Variants in LPAR5 observed in about 807,000 individuals in gnomAD.
LPAR5 encodes G protein-coupled receptor 92.
For missense variants in LPAR5, 544 were observed against 521.8 expected (o/e 1.04, Z -0.41); for synonymous variants, 271 against 261.6 (o/e 1.04, Z -0.35).
intron 1 of LPAR5, among the ~76,000 whole-genome samples, chr12:6,628,644 T>G (rs1948961489): frequency 6.6e-6 from 1 of 150,734 alleles, no homozygotes; most frequent in Non-Finnish European, 1.5e-5. Context: ...TTTTTTTTTT[T>G]TTTTTGAGAT....
At chr12:6,635,658 A>G (rs1291719549) in intron 1 of LPAR5, among the ~76,000 whole-genome samples, 2 of 152,164 alleles carry the variant, frequency 1.3e-5, no homozygotes, top group Admixed American at 6.5e-5. Context: ...GAGATGCCCC[A>G]GAGTGGGGGC....
chr12:6,619,976 G>C lies in LPAR5; in HGVS notation c.*154C>G, dbSNP rs1301808637. 2.8e-6 allele frequency: 3 copies of C among 1,054,496 alleles called. No individual in the cohort carries two copies. Among genetic ancestry groups the C allele is most frequent in the Admixed American group, 2.0e-5 (1 of 50,350 alleles). The allele number at this position is 1,054,496 out of a possible 1,614,324, so 65.3% of individuals were successfully genotyped here. On this transcript the variant is annotated 3_prime_UTR_variant, in exon 2 of 2. Transcript: ENST00000329858. ...AGCAGCACTGCCTTCCCTGGGCCCT[G>C]GCTTCCACACTTTGTACTCTTCTGC...
chr12:6,629,654 G>T (rs1458702575), intron 1 of LPAR5, among the ~76,000 whole-genome samples: 1 of 143,926 alleles, frequency 6.9e-6, no homozygotes, highest in Non-Finnish European at 1.5e-5. Flanking sequence ...AGCCTAGATG[G>T]CAGAGTGAGA....
rs1948895212 is a variant in LPAR5, at chr12:6,621,404, A to G, written c.-156T>C. On this transcript the variant is annotated 5_prime_UTR_variant, in exon 2 of 2. Coordinates refer to ENST00000329858, the MANE Select transcript of LPAR5 (RefSeq NM_020400.6). ...TCATGGGAATGTGGGCTATGGCTGC[A>G]GGGACAGATGGCTGCCAAGGGTTGG... 1.6e-5 allele frequency: 11 copies of G among 669,148 alleles called. No homozygotes were observed. In the East Asian group the frequency reaches 3.7e-4, roughly 22 times the overall value. The allele number at this position is 669,148 out of a possible 1,614,324, so 41.5% of individuals were successfully genotyped here.
At chr12:6,626,740 G>A (rs890262153) in intron 1 of LPAR5, among the ~76,000 whole-genome samples, 1 of 152,110 alleles carries the variant, frequency 6.6e-6, no homozygotes, top group African/African-American at 2.4e-5. Flanking sequence ...CCTGCCTCCC[G>A]TTCTCCAACT....
intron 1 of LPAR5, chr12:6,631,621 C>T (rs549710932): frequency 6.6e-6 from 1 of 152,400 alleles, no homozygotes; most frequent in East Asian, 1.9e-4. Context: ...CATTTGCCCT[C>T]TGAGCTGGGC....
intron 1 of LPAR5, among the ~76,000 whole-genome samples, chr12:6,625,995 G>A (rs1948936996): frequency 6.6e-6 from 1 of 151,978 alleles, no homozygotes; most frequent in Non-Finnish European, 1.5e-5. Context: ...GATGGCCAGG[G>A]GCAGTGGCTC....
rs1948880899 is a variant in LPAR5, at chr12:6,620,430, A to G, written c.819T>C (p.Asp273=). ...TCACCATCAGCACCCCGCGCACGCG[A>G]TCGCGGGCAGGCACGCTGGCCGCCA... ...KLVAASVPAR[D]RVRGVLMVMV... is the part of the protein sequence containing the mutation. Residue 273 remains aspartate, a synonymous_variant, in exon 2 of 2, where the codon GAT becomes GAC. Coordinates refer to ENST00000329858, the MANE Select transcript of LPAR5 (RefSeq NM_020400.6). This position sits in a 1 kb window ranked among gnomAD's most constrained non-coding sequence, Gnocchi z 6.8. 6.9e-6 allele frequency: 11 copies of G among 1,605,310 alleles called. No homozygotes were observed. In the East Asian group the frequency reaches 2.5e-4, roughly 36 times the overall value.
chr12:6,620,985 G>C lies in LPAR5; in HGVS notation c.264C>G (p.Pro88=), dbSNP rs1329403700. 6.2e-7 allele frequency: 1 copy of C among 1,613,510 alleles called. No homozygotes were observed. Among genetic ancestry groups the C allele is most frequent in the Non-Finnish European group, 8.5e-7 (1 of 1,179,834 alleles). ...TCGTCTGGCACAGGAGGTCGGGGAA[G>C]GGCCAGTGGTGCAGTGCGTAGTAGG... is the stretch of plus-strand genomic sequence containing the variant. ...RLSYYALHHW[P]FPDLLCQTTG... Residue 88 remains proline (P), a synonymous_variant, in exon 2 of 2, where the codon CCC becomes CCG. Transcript: ENST00000329858. This position sits in a 1 kb window ranked among gnomAD's most constrained non-coding sequence, Gnocchi z 6.8.
intron 1 of LPAR5, among the ~76,000 whole-genome samples, chr12:6,625,526 CCTGG>C (rs1948930928): frequency 6.6e-6 from 1 of 150,890 alleles, no homozygotes; most frequent in Non-Finnish European, 1.5e-5. Context: ...TCGAGACCAT[CCTGG>C]CTAACATGGT....
chr12:6,630,433 C>CTTTTTTT (rs34529805), intron 1 of LPAR5, among the ~76,000 whole-genome samples: 7 of 41,826 alleles, frequency 1.7e-4, no homozygotes, highest in African/African-American at 5.2e-4. Flanking sequence ...CCCAGCCCAT[C>CTTTTTTT]TTTTTTTTTT....
In LPAR5 at chr12:6,630,433, CTTTTTTTTTTTTTTTTTTTT is replaced by C. The variant is rs34529805; in HGVS notation, c.-217+5454_-217+5473del. On this transcript the variant is annotated intron_variant, in intron 1 of 1. Coordinates refer to ENST00000329858, the MANE Select transcript of LPAR5 (RefSeq NM_020400.6). ...GAGTGAACCACTGCACCCAGCCCATCTTTTTTTTTTTTTTTTTTTTTTTTTTTTTTTTTTTTTTTGAGACG... is the reference window on the plus strand; with the variant it reads ...GAGTGAACCACTGCACCCAGCCCATCTTTTTTTTTTTTTTTTTTTGAGACG... 6.9e-4 allele frequency among the ~76,000 whole-genome samples: 29 copies of C among 41,754 alleles called. 3 individuals carry two copies. The highest frequency in any genetic ancestry group is 2.0e-3 in the East Asian group (3 of 1,494). The allele number at this position is 41,754 out of a possible 152,430, so 27.4% of individuals were successfully genotyped here.
At position 6,620,627 on chromosome 12, in the gene LPAR5, C is replaced by G; in HGVS notation, c.622G>C (p.Val208Leu). ...CAGAAGACTCGGCCCGACGAGTAGA[C>G]CACCGCCGCCAGGGGCAGCAGGAAG... ...LGFLLPLAAV[V>L]YSSGRVFWTL... The change falls in exon 2 of 2, where the codon GTC (valine) becomes CTC (leucine). Residue 208 changes from valine (V) to leucine (L), a missense_variant. By Grantham distance (32) the Val-to-Leu change is conservative. Transcript: ENST00000329858. The surrounding 1 kb of genome is among the most constrained non-coding windows in gnomAD (Gnocchi z 6.8). 6.4e-7 allele frequency: 1 copy of G among 1,552,356 alleles called. No individual in the cohort carries two copies. Among genetic ancestry groups the G allele is most frequent in the Non-Finnish European group, 8.7e-7 (1 of 1,148,742 alleles).
intron 1 of LPAR5, among the ~76,000 whole-genome samples, chr12:6,624,691 G>C (rs1204939407): frequency 1.3e-5 from 2 of 152,158 alleles, no homozygotes; most frequent in Non-Finnish European, 2.9e-5. Context: ...CACGATCTCG[G>C]CTCACCGCAA....
chr12:6,631,323 G>A (rs1948979685), intron 1 of LPAR5, among the ~76,000 whole-genome samples: 1 of 152,152 alleles, frequency 6.6e-6, no homozygotes, highest in South Asian at 2.1e-4. Flanking sequence ...CTGGGCTGGG[G>A]AGGAAGAGAA....
chr12:6,620,137 G>T lies in LPAR5; in HGVS notation c.1112C>A (p.Ala371Asp), dbSNP rs1381651472. The part of the protein sequence containing the change: ...SSFTQCPQDS[A>D]L The stretch of plus-strand genomic sequence containing the variant: ...GCGCAATGGCATGTGTGTTCAGAGG[G>T]CGGAATCCTGGGGACACTGTGTGAA... Residue 371 changes from alanine (A) to aspartate (D), a missense_variant, in exon 2 of 2, where the codon GCC (alanine) becomes GAC (aspartate). Transcript: ENST00000329858. The surrounding 1 kb of genome is among the most constrained non-coding windows in gnomAD (Gnocchi z 6.8). The T allele has an allele frequency of 6.2e-7, 1 of 1,613,760 alleles. No homozygotes were observed. The highest frequency in any genetic ancestry group is 1.3e-5 in the African/African-American group (1 of 74,934).
chr12:6,628,015 C>A (rs548428229), intron 1 of LPAR5, among the ~76,000 whole-genome samples: 83 of 82,638 alleles, frequency 1.0e-3, no homozygotes, highest in Non-Finnish European at 2.0e-3. Flanking sequence ...TCATTCTTTT[C>A]TTTTTCTTTT....
intron 1 of LPAR5, among the ~76,000 whole-genome samples, chr12:6,634,251 C>T (rs1027086364): frequency 5.9e-5 from 9 of 152,102 alleles, no homozygotes; most frequent in East Asian, 5.8e-4. Context: ...GTGATCTGCC[C>T]GCCTTGGCCT....
chr12:6,619,044 C>T lies in LPAR5; in HGVS notation c.*1086G>A, dbSNP rs1416316121. ...ATACTGCTACACAGATGTTATTTGT[C>T]CCTTTCACTCTCATTCTCTCACAAG... On this transcript the variant is annotated 3_prime_UTR_variant, in exon 2 of 2. Transcript: ENST00000329858. 1.3e-4 allele frequency: 20 copies of T among 152,208 alleles called. No individual in the cohort carries two copies. The highest frequency in any genetic ancestry group is 1.3e-3 in the Admixed American group (20 of 15,270). 9.4% of individuals were successfully genotyped at this position (152,208 alleles called of 1,614,324 possible).
Sources: gnomAD v4.1 joint callset for allele counts (sites outside exome capture counted in the v4.1 genomes callset) on GRCh38, gnomAD v4.1.1 for gene constraint, Gnocchi (gnomAD v3.1) non-coding constraint, MANE v1.5 for transcripts, NCBI Gene and HGNC (gene_info 2026-07-23, HGNC 2026-07-21) for gene names.